DMPK: variants seen among roughly 807,000 people sequenced by gnomAD.
DMPK encodes myotonin-protein kinase.
Under a neutral mutation model 70.3 loss-of-function variants are expected in DMPK, and 32 were observed. The observed-to-expected ratio is 0.46, with a 90% CI of 0.34 to 0.61. The LOEUF (loss-of-function observed/expected upper bound fraction) is 0.61. DMPK is among the 20% of genes least tolerant of loss of function. The pLI is 0.01. For missense variants in DMPK, 899 were observed against 886.0 expected (o/e 1.01, Z -0.19); for synonymous variants, 469 against 390.9 (o/e 1.20, Z -2.36).
intron 9 of DMPK, among the ~76,000 whole-genome samples, chr19:45,774,207 C>G (rs990196043): frequency 6.6e-6 from 1 of 151,946 alleles, no homozygotes; most frequent in East Asian, 1.9e-4. Flanking sequence ...CCACCTCATC[C>G]TCCCAAAGCA....
rs1360069664 is a variant in DMPK, at chr19:45,771,880, C to T, written c.1393G>A (p.Glu465Lys). The change falls in exon 11 of 15, where the codon GAG becomes AAG. Residue 465 changes from glutamate to lysine, a missense_variant. By Grantham distance (56) the Glu-to-Lys change is moderately conservative. Coordinates refer to ENST00000291270, the MANE Select transcript of DMPK (RefSeq NM_004409.5). ...TCCTGGAGCTCCCGCAGCGTCACCT[C>T]GGCCTCAGCCTCTGCCGCAGGGACA... is the stretch of plus-strand genomic sequence containing the variant. Reference protein sequence around the residue: ...AAVPAAEAEAEVTLRELQEAL... With the variant: ...AAVPAAEAEAKVTLRELQEAL... The T allele has an allele frequency of 1.9e-6, 3 of 1,592,404 alleles. No individual in the cohort carries two copies. The highest frequency in any genetic ancestry group is 2.3e-5 in the East Asian group (1 of 43,472).
At chr19:45,781,187 T>A (rs1364185275) in intron 1 of DMPK, among the ~76,000 whole-genome samples, 1 of 151,954 alleles carries the variant, frequency 6.6e-6, no homozygotes, top group Admixed American at 6.6e-5. Context: ...GAAACAAGTG[T>A]CACACACAGT....
At chr19:45,775,503 C>T (rs1181082851) in intron 8 of DMPK, among the ~76,000 whole-genome samples, 1 of 78,654 alleles carries the variant, frequency 1.3e-5, no homozygotes, top group Non-Finnish European at 2.7e-5. Flanking sequence ...ATATAAGCCA[C>T]TGTGCCCAGC....
rs371752355 is a variant in DMPK, at chr19:45,769,839, T to G, written c.*649A>C. ...CATCCAAAACGTGGATTGGGGTTGT[T>G]GGGGGTCCTGTAGCCTGTCAGCGAG... On this transcript the variant is annotated 3_prime_UTR_variant, in exon 15 of 15. Transcript: ENST00000291270. 17 of 226,766 alleles carry G rather than the reference T, an allele frequency of 7.5e-5. 2 individuals carry two copies. The South Asian group carries it at 9.5e-4, about 13-fold the overall frequency. The allele number at this position is 226,766 out of a possible 1,614,324, so 14.0% of individuals were successfully genotyped here.
chr19:45,770,847 G>A, intron 14 of DMPK, 124 bp downstream of exon 14: 3 of 980,862 alleles, frequency 3.1e-6, no homozygotes, highest in South Asian at 1.7e-5. Context: ...GTGTTGATTG[G>A]CTGCCCGAAG....
intron 8 of DMPK, chr19:45,776,875 T>C (rs1031684930): frequency 6.2e-6 from 1 of 161,822 alleles, no homozygotes; most frequent in Non-Finnish European, 1.4e-5. Context: ...GCTCATCTGG[T>C]CCGTGCTGGA....
intron 2 of DMPK, 21 bp from the exon 3 acceptor site, chr19:45,779,543 C>A: frequency 6.2e-7 from 1 of 1,613,480 alleles, no homozygotes; most frequent in Non-Finnish European, 8.5e-7. Context: ...GATAGTGAGA[C>A]AGAGTGGAGA....
chr19:45,781,605 G>C (rs1600453473), intron 1 of DMPK, among the ~76,000 whole-genome samples: 2 of 152,320 alleles, frequency 1.3e-5, no homozygotes, highest in South Asian at 4.1e-4. Context: ...TGTCCCTCCT[G>C]GATCGCAGAG....
chr19:45,770,779 TC>T, intron 14 of DMPK, 139 bp from the exon 15 acceptor site: 1 of 1,109,034 alleles, frequency 9.0e-7, no homozygotes, highest in Non-Finnish European at 1.3e-6. Context: ...CTGTTGTTAG[TC>T]CACTCGCACG....
chr19:45,771,746 C>T (rs1194129595), intron 11 of DMPK, 25 bp downstream of exon 11: 1 of 1,583,834 alleles, frequency 6.3e-7, no homozygotes, highest in Non-Finnish European at 8.6e-7. Context: ...CGCATCCCGG[C>T]CCCGGCCCCG....
intron 5 of DMPK, 86 bp downstream of exon 5, chr19:45,778,407 C>A: frequency 6.5e-7 from 1 of 1,538,844 alleles, no homozygotes; most frequent in Non-Finnish European, 8.8e-7. Flanking sequence ...AGGTCCCTCT[C>A]CAGGCCCTGG....
chr19:45,780,435 A>T (rs1970051955), intron 1 of DMPK: 1 of 1,316,044 alleles, frequency 7.6e-7, no homozygotes, highest in Admixed American at 2.2e-5. Flanking sequence ...CATATCCCAG[A>T]CTCAAGTGCT....
intron 13 of DMPK, 115 bp downstream of exon 13, chr19:45,771,235 T>A: frequency 2.1e-6 from 3 of 1,414,028 alleles, no homozygotes; most frequent in Non-Finnish European, 2.9e-6. Context: ...TTCTGCCCTC[T>A]AAAGTCGCAA....
chr19:45,780,460 C>T lies in DMPK; in HGVS notation c.161-591G>A, dbSNP rs556522505. 4 of 1,240,632 alleles carry T rather than the reference C, an allele frequency of 3.2e-6. No individual in the cohort carries two copies. The African/African-American group carries it at 6.2e-5, about 19-fold the overall frequency. The allele number at this position is 1,240,632 out of a possible 1,614,324, so 76.9% of individuals were successfully genotyped here. A position where few individuals can be genotyped will look rare whatever the true frequency, so the allele number is the denominator to read the frequency against. ...ACTCAAGTGCTCCGGTCCAGCCCAT[C>T]TCTCAGTCCTCCAGGAGGAGTGCTT... is the stretch of plus-strand genomic sequence containing the variant. On this transcript the variant is annotated intron_variant, in intron 1 of 14. Coordinates refer to ENST00000291270, the MANE Select transcript of DMPK (RefSeq NM_004409.5).
intron 3 of DMPK, 34 bp from the exon 4 acceptor site, chr19:45,779,393 C>A: frequency 6.2e-7 from 1 of 1,613,904 alleles, no homozygotes. Context: ...CAGCCGGAGA[C>A]GGGGCGCGGA....
intron 1 of DMPK, among the ~76,000 whole-genome samples, chr19:45,781,562 AAAG>A (rs1284071822): frequency 1.7e-4 from 26 of 152,210 alleles, no homozygotes; most frequent in African/African-American, 5.8e-4. Flanking sequence ...AGAACCTACA[AAAG>A]AAGGAGACAC....
In DMPK at chr19:45,775,066, C is replaced by T. The variant is rs371027164; in HGVS notation, c.1147-32G>A. The T allele has an allele frequency of 4.0e-5, 63 of 1,578,810 alleles. No homozygotes were observed. The Middle Eastern group carries it at 5.0e-4, about 13-fold the overall frequency. On this transcript the variant is annotated intron_variant, in intron 8 of 14. Coordinates refer to ENST00000291270, the MANE Select transcript of DMPK (RefSeq NM_004409.5). ...AAGACACACAGATGTGAGCAGCAGTCGTCAGGGCGGGCCCCTCACTGCTTT... is the reference window on the plus strand; with the variant it reads ...AAGACACACAGATGTGAGCAGCAGTTGTCAGGGCGGGCCCCTCACTGCTTT...
At chr19:45,774,379 C>T (rs979005347) in intron 9 of DMPK, among the ~76,000 whole-genome samples, 1 of 150,728 alleles carries the variant, frequency 6.6e-6, no homozygotes, top group African/African-American at 2.4e-5. Flanking sequence ...TCTCCTGCCT[C>T]GCCTCCCAAG....
rs956605848 is a variant in DMPK at position 45,778,576 on chromosome 19, C to T, written c.498G>A (p.Arg166=). 2 of 1,614,024 alleles carry T rather than the reference C, an allele frequency of 1.2e-6. No homozygotes were observed. Among genetic ancestry groups the T allele is most frequent in the African/African-American group, 2.7e-5 (2 of 75,064 alleles). The part of the protein sequence containing the change: ...LLTLLSKFGE[R]IPAEMARFYL... ...AGAAGCGCGCCATCTCGGCCGGAATCCGCTCCCCAAACTTGCTCAGCAGTG... is the reference window on the plus strand; with the variant it reads ...AGAAGCGCGCCATCTCGGCCGGAATTCGCTCCCCAAACTTGCTCAGCAGTG... The change falls in exon 5 of 15, where the codon CGG becomes CGA. Residue 166 remains arginine, a synonymous_variant. Coordinates refer to ENST00000291270, the MANE Select transcript of DMPK (RefSeq NM_004409.5).
Sources: allele counts gnomAD v4.1 joint callset (sites outside exome capture counted in the v4.1 genomes callset), GRCh38; gene constraint gnomAD v4.1.1; transcripts MANE v1.5; gene names NCBI Gene and HGNC (gene_info 2026-07-23, HGNC 2026-07-21).